PNISR: variants seen among roughly 807,000 people sequenced by gnomAD.
PNISR encodes the protein arginine/serine-rich protein PNISR.
Under a neutral mutation model 93.4 loss-of-function variants are expected in PNISR, and 20 were observed. The observed-to-expected ratio is 0.21, with a 90% CI of 0.15 to 0.31. The LOEUF is 0.31. Ranked by LOEUF, PNISR falls within the 10% of genes least tolerant of loss-of-function variation. PNISR has a pLI of 1.00. For missense variants in PNISR, 893 were observed against 985.4 expected, an observed-to-expected ratio of 0.91 and a Z score of 1.25; for synonymous variants, 305 against 306.5, an observed-to-expected ratio of 0.99 and a Z score of 0.05.
chr6:99,423,440 T>C (rs1778901083), intron 1 of PNISR, among the ~76,000 whole-genome samples: 1 of 152,158 alleles, frequency 6.6e-6, no homozygotes, highest in Admixed American at 6.5e-5. Flanking sequence ...CTCTGCAAAG[T>C]GACTTCCTTC....
chr6:99,412,342 G>T (rs1285376145), intron 4 of PNISR: 3 of 673,608 alleles, frequency 4.5e-6, no homozygotes, highest in Non-Finnish European at 8.2e-6. Flanking sequence ...ACCAAGAAAA[G>T]AATCAAACTG....
At chr6:99,414,549 T>G (rs751639146) in intron 3 of PNISR, 23 bp downstream of exon 3, 3 of 1,310,336 alleles carry the variant, frequency 2.3e-6, no homozygotes, top group Non-Finnish European at 3.3e-6. Flanking sequence ...CCCCGCCCTT[T>G]CAAATTCAAT....
rs567120458 is a variant in PNISR at position 99,417,253 on chromosome 6, C to T, written c.-111-825G>A. 4.6e-5 allele frequency among the ~76,000 whole-genome samples: 7 copies of T among 152,322 alleles called. No individual in the cohort carries two copies. In the South Asian group the frequency reaches 1.0e-3, roughly 23 times the overall value. ...GAAAATGATGTATAATGACTACCTA[C>T]CATCATTCCCAATCCATAAATTTAC... On this transcript the variant is annotated intron_variant, in intron 1 of 11. Coordinates refer to ENST00000369239, the MANE Select transcript of PNISR (RefSeq NM_032870.4).
rs770491883 is a variant in PNISR, at chr6:99,400,492, TTCAG to T, written c.*44_*47del. 2.6e-6 allele frequency: 4 copies of T among 1,567,144 alleles called. No homozygotes were observed. Among genetic ancestry groups the T allele is most frequent in the Middle Eastern group, 3.4e-4 (2 of 5,830 alleles). On this transcript the variant is annotated 3_prime_UTR_variant, in exon 12 of 12. Transcript: ENST00000369239. ...AAGGACACTTTCAACTTTGAATAAA[TTCAG>T]TCAATTTTTTTTAAAAATCAGACAA...
intron 10 of PNISR, 51 bp from the exon 11 acceptor site, chr6:99,402,761 T>A: frequency 7.4e-7 from 1 of 1,353,634 alleles, no homozygotes; most frequent in Middle Eastern, 1.9e-4. Context: ...TACTATGCAC[T>A]AAAAACTTTT....
At chr6:99,402,159 T>A (rs986737970) in intron 11 of PNISR, among the ~76,000 whole-genome samples, 7 of 152,342 alleles carry the variant, frequency 4.6e-5, no homozygotes, top group African/African-American at 1.7e-4. Context: ...AAATTCTAAG[T>A]AAATTTTCTC....
intron 7 of PNISR, among the ~76,000 whole-genome samples, chr6:99,407,195 C>T (rs556015260): frequency 6.6e-6 from 1 of 152,120 alleles, no homozygotes; most frequent in South Asian, 2.1e-4. Flanking sequence ...TGGTGTGCGC[C>T]TGTAGCCCTA....
chr6:99,405,382 G>A (rs1776028513), intron 8 of PNISR, among the ~76,000 whole-genome samples: 1 of 151,994 alleles, frequency 6.6e-6, no homozygotes. Flanking sequence ...CAGGAGAACT[G>A]CTTGAACTCA....
chr6:99,404,536 A>G, intron 9 of PNISR, 67 bp downstream of exon 9: 1 of 821,298 alleles, frequency 1.2e-6, no homozygotes, highest in South Asian at 1.3e-5. Context: ...ACAACAAAAA[A>G]AGGCCAAAAT....
At chr6:99,419,006 C>A (rs1049617273) in intron 1 of PNISR, among the ~76,000 whole-genome samples, 2 of 151,650 alleles carry the variant, frequency 1.3e-5, no homozygotes, top group African/African-American at 4.8e-5. Flanking sequence ...AAAAATTAGC[C>A]GGACATGGTG....
chr6:99,419,077 G>A (rs1455267259), intron 1 of PNISR, among the ~76,000 whole-genome samples: 1 of 140,900 alleles, frequency 7.1e-6, no homozygotes, highest in Non-Finnish European at 1.5e-5. Flanking sequence ...TTGAACCCGG[G>A]AGGTGGAAGT....
intron 9 of PNISR, 76 bp from the exon 10 acceptor site, chr6:99,403,958 T>C (rs1226340174): frequency 1.0e-6 from 1 of 981,712 alleles, no homozygotes; most frequent in Non-Finnish European, 1.6e-6. Flanking sequence ...GTCTATGGTA[T>C]TGTTAAATCT....
intron 1 of PNISR, 48 bp from the exon 2 acceptor site, chr6:99,416,476 C>T (rs1777716812): frequency 7.9e-6 from 5 of 631,012 alleles, no homozygotes; most frequent in Admixed American, 4.4e-5. Flanking sequence ...TCATGATTCA[C>T]ATAAAAATAA....
intron 1 of PNISR, among the ~76,000 whole-genome samples, 163 bp from the exon 2 acceptor site, chr6:99,416,591 G>C (rs1777731875): frequency 6.6e-6 from 1 of 152,142 alleles, no homozygotes; most frequent in African/African-American, 2.4e-5. Context: ...TCAAGGAAAA[G>C]AGATACACCA....
intron 2 of PNISR, chr6:99,415,282 T>C (rs1368213870): frequency 6.6e-5 from 10 of 152,180 alleles, no homozygotes; most frequent in Non-Finnish European, 1.2e-4. Flanking sequence ...AGAATTCTCA[T>C]CAAAAATGTT....
Position 99,400,670 on chromosome 6 carries a change from T to A in PNISR, c.2288A>T (p.Glu763Val). The A allele has an allele frequency of 6.2e-7, 1 of 1,613,974 alleles. No individual in the cohort carries two copies. The highest frequency in any genetic ancestry group is 8.5e-7 in the Non-Finnish European group (1 of 1,179,938). Residue 763 changes from glutamate to valine, a missense_variant, in exon 12 of 12, where the codon GAG becomes GTG. By Grantham distance (121) the Glu-to-Val change is moderately radical. Around this residue, in one of 3 missense-constraint regions of PNISR, gnomAD observed 866 missense variants for 935.1 expected, o/e 0.93. Coordinates refer to ENST00000369239, the MANE Select transcript of PNISR (RefSeq NM_032870.4). ...GSDSSGRSSS[E>V]SPGSSKEKKA... is the part of the protein sequence containing the mutation. ...CTTTTCTTTGCTACTTCCTGGAGAC[T>A]CAGAACTGCTCCTTCCACTAGAATC... is the stretch of plus-strand genomic sequence containing the variant.
intron 1 of PNISR, among the ~76,000 whole-genome samples, chr6:99,423,598 G>T (rs750894522): frequency 2.6e-5 from 4 of 152,090 alleles, no homozygotes; most frequent in Admixed American, 6.5e-5. Context: ...TGTTGAAAAG[G>T]GCATCTTACC....
chr6:99,403,640 A>C (rs191928920), intron 10 of PNISR, 189 bp downstream of exon 10: 22 of 421,446 alleles, frequency 5.2e-5, no homozygotes, highest in African/African-American at 3.6e-4. Flanking sequence ...TCACATTTAT[A>C]AATTTCTCAC....
rs748926897 is a variant in PNISR, at chr6:99,398,104, T to A, written c.*2436A>T. 2.6e-5 allele frequency: 4 copies of A among 152,174 alleles called. No individual in the cohort carries two copies. The highest frequency in any genetic ancestry group is 5.9e-5 in the Non-Finnish European group (4 of 68,004). The allele number at this position is 152,174 out of a possible 1,614,324, so 9.4% of individuals were successfully genotyped here. ...TTGGGGCCTGAAACAAATCTTATAA[T>A]CACCTCTTTCAAATTACATTTTATT... On this transcript the variant is annotated 3_prime_UTR_variant, in exon 12 of 12. Coordinates refer to ENST00000369239, the MANE Select transcript of PNISR (RefSeq NM_032870.4).
Sources: allele counts gnomAD v4.1 joint callset (sites outside exome capture counted in the v4.1 genomes callset), GRCh38; gene constraint gnomAD v4.1.1; regional missense constraint gnomAD v4.1.1; transcripts MANE v1.5; gene names NCBI Gene and HGNC (gene_info 2026-07-23, HGNC 2026-07-21).